The following LRRTM4 variants were observed in gnomAD, a reference collection of about 807,000 sequenced individuals.
The protein encoded by LRRTM4 is leucine-rich repeat transmembrane neuronal protein 4.
In LRRTM4, 25 loss-of-function variants were observed where a neutral mutation model predicts 47.6. The observed-to-expected ratio is 0.53, with a 90% CI of 0.38 to 0.73. The LOEUF is 0.73. LRRTM4 is among the 30% of genes least tolerant of loss of function. The probability of loss-of-function intolerance (pLI) is 0.00; values close to 1 mark genes in which losing one functional copy is unlikely to be tolerated. For missense variants in LRRTM4, 638 were observed against 713.4 expected (o/e 0.89, Z 1.20); for synonymous variants, 311 against 269.5 (o/e 1.15, Z -1.51).
At chr2:76,935,773 A>G (rs1036083641) in intron 3 of LRRTM4, among the ~76,000 whole-genome samples, 1 of 152,160 alleles carries the variant, frequency 6.6e-6, no homozygotes, top group African/African-American at 2.4e-5. Context: ...TAAATATACA[A>G]TCTTGTCTTC....
intron 3 of LRRTM4, among the ~76,000 whole-genome samples, chr2:77,321,780 A>AT (rs1232873362): frequency 6.6e-6 from 1 of 152,044 alleles, no homozygotes; most frequent in African/African-American, 2.4e-5. Flanking sequence ...TAAATTTAGA[A>AT]TTTTTTTGAG....
intron 3 of LRRTM4, chr2:77,517,695 C>CAAA (rs5832288): frequency 6.5e-4 from 585 of 896,434 alleles, no homozygotes; most frequent in Non-Finnish European, 7.5e-4. Context: ...AAGAAGGAAA[C>CAAA]AAAAAAAAAA....
chr2:77,252,363 C>A (rs1194291134), intron 3 of LRRTM4, among the ~76,000 whole-genome samples: 1 of 152,038 alleles, frequency 6.6e-6, no homozygotes, highest in Non-Finnish European at 1.5e-5. Flanking sequence ...TTTAGTTTGT[C>A]TTTTTTCTAA....
chr2:76,914,474 T>G (rs948315976), intron 3 of LRRTM4, among the ~76,000 whole-genome samples: 1 of 152,120 alleles, frequency 6.6e-6, no homozygotes, highest in Non-Finnish European at 1.5e-5. Context: ...TCAAAGATGA[T>G]TTGAATGAGT....
chr2:77,025,393 G>A (rs144720630), intron 3 of LRRTM4, among the ~76,000 whole-genome samples: 1 of 152,246 alleles, frequency 6.6e-6, no homozygotes, highest in African/African-American at 2.4e-5. Context: ...CTTGGAGGAG[G>A]TCTTGGGTAT....
In LRRTM4 at chr2:77,486,919, T is replaced by A. The variant is rs554629475; in HGVS notation, c.1551+31399A>T. ...TTTAATGAAAGATGACCATCAGAGA[T>A]ATTACATGCAGAAAAAAACGCAAAA... On this transcript the variant is annotated intron_variant, in intron 3 of 3. Coordinates refer to ENST00000409884, the MANE Select transcript of LRRTM4 (RefSeq NM_001134745.3). Among the ~76,000 whole-genome samples, 7 of 152,374 alleles carry A rather than the reference T, an allele frequency of 4.6e-5. No homozygotes were observed. The South Asian group carries it at 1.2e-3, about 27-fold the overall frequency.
intron 3 of LRRTM4, among the ~76,000 whole-genome samples, chr2:77,021,029 T>C (rs779248508): frequency 2.0e-4 from 30 of 152,174 alleles, no homozygotes; most frequent in Non-Finnish European, 3.7e-4. Context: ...AACTCAGTTT[T>C]TCAGTTTGTG....
chr2:77,208,775 T>C (rs1056772044), intron 3 of LRRTM4, among the ~76,000 whole-genome samples: 1 of 152,076 alleles, frequency 6.6e-6, no homozygotes. Flanking sequence ...CATTACAAAA[T>C]GCTGAGCTCA....
chr2:77,219,359 C>CAT (rs1348297949), intron 3 of LRRTM4, among the ~76,000 whole-genome samples: 1 of 152,104 alleles, frequency 6.6e-6, no homozygotes, highest in Admixed American at 6.6e-5. Flanking sequence ...CCAAAGAGTA[C>CAT]AGCCTGTTGA....
At chr2:77,186,052 C>T (rs1316813478) in intron 3 of LRRTM4, among the ~76,000 whole-genome samples, 1 of 152,142 alleles carries the variant, frequency 6.6e-6, no homozygotes, top group Non-Finnish European at 1.5e-5. Context: ...CATAACAAAG[C>T]TACAGAGTGG....
rs141823343 is a variant in LRRTM4 at position 77,198,638 on chromosome 2, C to A, written c.1551+319680G>T. On this transcript the variant is annotated intron_variant, in intron 3 of 3. Coordinates refer to ENST00000409884, the MANE Select transcript of LRRTM4 (RefSeq NM_001134745.3). ...ATATATTTGGTACAGAATTTATAAA[C>A]CAGACTTGCTTTTAAGAATAATATA... Among the ~76,000 whole-genome samples the A allele has an allele frequency of 2.1e-4, 32 of 152,244 alleles. No individual in the cohort carries two copies. In the East Asian group the frequency reaches 6.0e-3, roughly 29 times the overall value.
chr2:77,052,716 G>C (rs899121402), intron 3 of LRRTM4, among the ~76,000 whole-genome samples: 1 of 148,352 alleles, frequency 6.7e-6, no homozygotes, highest in African/African-American at 2.6e-5. Context: ...GTTTGTGTGC[G>C]TAGGGGTGTG....
intron 3 of LRRTM4, among the ~76,000 whole-genome samples, chr2:77,406,554 G>A (rs761083310): frequency 1.3e-5 from 2 of 151,940 alleles, no homozygotes; most frequent in East Asian, 1.9e-4. Context: ...CTCCAACTTC[G>A]GCTTCCCAAA....
At chr2:76,806,449 C>A (rs1047029356) in intron 3 of LRRTM4, among the ~76,000 whole-genome samples, 1 of 152,096 alleles carries the variant, frequency 6.6e-6, no homozygotes, top group East Asian at 1.9e-4. Flanking sequence ...GGCGTGGTAG[C>A]GCACGCCTGT....
At chr2:77,194,448 A>G (rs1343207403) in intron 3 of LRRTM4, among the ~76,000 whole-genome samples, 2 of 152,204 alleles carry the variant, frequency 1.3e-5, no homozygotes, top group Non-Finnish European at 2.9e-5. Context: ...GAGATCCAGA[A>G]AGCCACCACT....
At chr2:77,061,429 G>C (rs1293254963) in intron 3 of LRRTM4, among the ~76,000 whole-genome samples, 3 of 152,000 alleles carry the variant, frequency 2.0e-5, no homozygotes, top group Non-Finnish European at 4.4e-5. Context: ...GAGTTGCTGA[G>C]AGTCAACACA....
chr2:76,985,057 G>C (rs1247138612), intron 3 of LRRTM4, among the ~76,000 whole-genome samples: 2 of 151,908 alleles, frequency 1.3e-5, no homozygotes, highest in Admixed American at 6.6e-5. Context: ...TTCTTTGTAT[G>C]AGTGGGTCTT....
intron 3 of LRRTM4, among the ~76,000 whole-genome samples, chr2:77,462,643 A>G (rs1676833245): frequency 6.6e-6 from 1 of 152,094 alleles, no homozygotes; most frequent in African/African-American, 2.4e-5. Context: ...AGGAAGATCT[A>G]CCAACAGCTC....
At position 77,519,191 on chromosome 2, in the gene LRRTM4, T is replaced by C. The variant is rs752527118; in HGVS notation, c.678A>G (p.Pro226=). 5 of 1,613,166 alleles carry C rather than the reference T, an allele frequency of 3.1e-6. No homozygotes were observed. The highest frequency in any genetic ancestry group is 4.2e-6 in the Non-Finnish European group (5 of 1,179,616). ...AAATTGAGCGGAGGTTGAAGAGACG[T>C]GGAAAATGAGCAAAGTTGATCTTGG... is the stretch of plus-strand genomic sequence containing the variant. ...QFSKINFAHF[P]RLFNLRSIYL... Residue 226 remains proline, a synonymous_variant, in exon 3 of 4, where the codon CCA becomes CCG. Coordinates refer to ENST00000409884, the MANE Select transcript of LRRTM4 (RefSeq NM_001134745.3). This position sits in a 1 kb window ranked among gnomAD's most constrained non-coding sequence, Gnocchi z 4.6.
Sources: allele counts gnomAD v4.1 joint callset (sites outside exome capture counted in the v4.1 genomes callset), GRCh38; gene constraint gnomAD v4.1.1; non-coding constraint Gnocchi (gnomAD v3.1); transcripts MANE v1.5; gene names NCBI Gene and HGNC (gene_info 2026-07-23, HGNC 2026-07-21).